The following C2orf76 variants were observed in gnomAD, a reference collection of about 807,000 sequenced individuals.
The protein encoded by C2orf76 is UPF0538 protein C2orf76.
In C2orf76, 23 loss-of-function variants were observed where a neutral mutation model predicts 16.9. The observed-to-expected ratio is 1.36, with a 90% CI of 0.98 to 1.93. The LOEUF is 1.93. Among genes scored for constraint, C2orf76 ranks in the 30% most tolerant of loss-of-function variants. The pLI, the probability that C2orf76 is intolerant of heterozygous loss-of-function variation, is 0.00. For synonymous variants in C2orf76, 48 were observed against 52.3 expected (o/e 0.92, Z 0.35); for missense variants, 152 against 152.6 (o/e 1.00, Z 0.02).
the C2orf76 span, among the ~76,000 whole-genome samples, chr2:119,296,742 C>T: frequency 6.6e-6 from 1 of 152,210 alleles, no homozygotes; most frequent in Non-Finnish European, 1.5e-5. Context: ...TCACATGAAA[C>T]CTGGCCCAAC....
chr2:119,300,889 A>G (rs1427991435), downstream of C2orf76, among the ~76,000 whole-genome samples: 1 of 152,212 alleles, frequency 6.6e-6, no homozygotes, highest in East Asian at 1.9e-4. Flanking sequence ...AAACATCATT[A>G]AGTTGCACCA....
intron 2 of C2orf76, among the ~76,000 whole-genome samples, chr2:119,325,457 CAAAAAAAA>C (rs59581840): frequency 1.7e-5 from 1 of 59,784 alleles, no homozygotes; most frequent in Admixed American, 2.1e-4. Flanking sequence ...AAGACTGTCT[CAAAAAAAA>C]AAAAAAAAAA....
downstream of C2orf76, among the ~76,000 whole-genome samples, chr2:119,297,310 T>C (rs1678555838): frequency 6.6e-6 from 1 of 152,204 alleles, no homozygotes; most frequent in African/African-American, 2.4e-5. Context: ...TTTTAAAAAA[T>C]GAGACTTCTC....
At chr2:119,340,290 G>A (rs1013918615) in intron 1 of C2orf76, 8 of 217,416 alleles carry the variant, frequency 3.7e-5, no homozygotes, top group African/African-American at 9.0e-5. Context: ...GAAGCAGGAC[G>A]GCCGAACACA....
the C2orf76 span, among the ~76,000 whole-genome samples, chr2:119,286,168 G>A: frequency 1.4e-5 from 2 of 146,780 alleles, no homozygotes; most frequent in African/African-American, 5.1e-5. Flanking sequence ...AGAGGCTGCA[G>A]TGAGCCAAGA....
chr2:119,340,985 G>A (rs1680011567), intron 1 of C2orf76, among the ~76,000 whole-genome samples: 1 of 151,398 alleles, frequency 6.6e-6, no homozygotes, highest in African/African-American at 2.4e-5. Flanking sequence ...AGTCTTTTAG[G>A]AAGAAAACAC....
the C2orf76 span, among the ~76,000 whole-genome samples, chr2:119,284,400 T>A: frequency 1.3e-5 from 2 of 152,256 alleles, no homozygotes; most frequent in Middle Eastern, 3.4e-3. Flanking sequence ...GTTGTAGGGC[T>A]TATTGAGGGC....
At chr2:119,309,406 T>C (rs1412211420) in intron 5 of C2orf76, among the ~76,000 whole-genome samples, 24 of 127,426 alleles carry the variant, frequency 1.9e-4, no homozygotes, top group African/African-American at 7.9e-4. Flanking sequence ...TTCTTTTTTT[T>C]TTTTTTTTTT....
chr2:119,292,675 C>T, the C2orf76 span, among the ~76,000 whole-genome samples: 4 of 152,180 alleles, frequency 2.6e-5, no homozygotes, highest in Non-Finnish European at 5.9e-5. Flanking sequence ...TCAGTCTACA[C>T]AGATCTGTTA....
intron 1 of C2orf76, among the ~76,000 whole-genome samples, chr2:119,363,611 C>T (rs1305592619): frequency 2.0e-5 from 3 of 152,142 alleles, no homozygotes; most frequent in Non-Finnish European, 4.4e-5. Flanking sequence ...CTCCTGAAAT[C>T]GTAGTTCATT....
At chr2:119,308,417 G>C (rs1006733421) in intron 5 of C2orf76, among the ~76,000 whole-genome samples, 5 of 152,208 alleles carry the variant, frequency 3.3e-5, no homozygotes, top group African/African-American at 1.2e-4. Context: ...AAGGCAGGTG[G>C]AAAACCGAGG....
At chr2:119,346,567 T>C (rs72831204) in intron 1 of C2orf76, among the ~76,000 whole-genome samples, 12,379 of 152,312 alleles carry the variant, frequency 0.081, 630 homozygotes, top group African/African-American at 0.13. Flanking sequence ...AATTCCATTT[T>C]TATGTCATTC....
chr2:119,347,459 G>A (rs1680241848), intron 1 of C2orf76, among the ~76,000 whole-genome samples: 1 of 152,114 alleles, frequency 6.6e-6, no homozygotes, highest in Admixed American at 6.5e-5. Context: ...ATGATATTAT[G>A]GTTGTGTTTT....
intron 2 of C2orf76, among the ~76,000 whole-genome samples, chr2:119,334,381 A>C (rs1339064841): frequency 1.4e-4 from 4 of 28,586 alleles, no homozygotes; most frequent in Admixed American, 6.5e-4. Context: ...ATGCAAAGCA[A>C]AAAAAAAAAA....
the C2orf76 span, among the ~76,000 whole-genome samples, chr2:119,282,780 A>T: frequency 6.6e-6 from 1 of 152,230 alleles, no homozygotes; most frequent in African/African-American, 2.4e-5. Context: ...CAGAACAACA[A>T]AAAGGGGAAG....
intron 2 of C2orf76, among the ~76,000 whole-genome samples, chr2:119,322,499 T>C (rs1679377436): frequency 1.3e-5 from 2 of 152,118 alleles, no homozygotes; most frequent in African/African-American, 4.8e-5. Context: ...TGAGCTACTA[T>C]GCCCAGCCGG....
At chr2:119,364,263 G>C (rs979544232) in intron 1 of C2orf76, among the ~76,000 whole-genome samples, 1 of 152,192 alleles carries the variant, frequency 6.6e-6, no homozygotes, top group Admixed American at 6.5e-5. Flanking sequence ...GGTATTCCCA[G>C]ATGTGAAGGC....
At chr2:119,364,145 A>C (rs1680845623) in intron 1 of C2orf76, among the ~76,000 whole-genome samples, 1 of 152,028 alleles carries the variant, frequency 6.6e-6, no homozygotes, top group Admixed American at 6.5e-5. Context: ...AGAGAAAGAG[A>C]GAGAGATCTT....
rs542756242 is a variant in C2orf76, at chr2:119,333,424, C to T, written c.133+6403G>A. Among the ~76,000 whole-genome samples the T allele has an allele frequency of 5.3e-5, 8 of 152,324 alleles. No homozygotes were observed. In the South Asian group the frequency reaches 1.7e-3, roughly 32 times the overall value. ...AGACTACTTATAAATTAGAAAGACA[C>T]TTTAACATCAGGAAAATCTGGTGGA... On this transcript the variant is annotated intron_variant, in intron 2 of 5. Transcript: ENST00000334816.
Sources: allele counts gnomAD v4.1 joint callset (sites outside exome capture counted in the v4.1 genomes callset), GRCh38; gene constraint gnomAD v4.1.1; transcripts MANE v1.5; gene names NCBI Gene and HGNC (gene_info 2026-07-23, HGNC 2026-07-21).